The following LRP1B variants were observed in gnomAD, a reference collection of about 807,000 sequenced individuals.
LRP1B encodes LDL receptor related protein 1B.
A neutral mutation model predicts 556.6 loss-of-function variants in LRP1B; 217 were observed. The ratio of observed to expected loss-of-function variants is 0.39; its 90% CI spans 0.35 to 0.44. The LOEUF (loss-of-function observed/expected upper bound fraction) is 0.44, where lower values mean the gene tolerates loss of function less well. Ranked by LOEUF, LRP1B falls within the 20% of genes least tolerant of loss-of-function variation. The pLI, the probability that LRP1B is intolerant of heterozygous loss-of-function variation, is 1.00. For missense variants in LRP1B, 5,053 were observed against 5,620.8 expected, an observed-to-expected ratio of 0.90 and a Z score of 3.23; for synonymous variants, 2,047 against 1,865.8, an observed-to-expected ratio of 1.10 and a Z score of -2.50.
chr2:141,802,533 A>G (rs944909982), intron 2 of LRP1B, among the ~76,000 whole-genome samples: 1 of 152,072 alleles, frequency 6.6e-6, no homozygotes, highest in Non-Finnish European at 1.5e-5. Flanking sequence ...CAATTAATAA[A>G]CTGATGAGAT....
intron 3 of LRP1B, among the ~76,000 whole-genome samples, chr2:141,280,622 T>C (rs186659571): frequency 1.4e-4 from 22 of 152,112 alleles, no homozygotes; most frequent in Admixed American, 1.3e-3. Flanking sequence ...TTGGCTTGTT[T>C]AAAGTCCCAG....
At chr2:140,263,119 A>G (rs1443690819) in intron 86 of LRP1B, among the ~76,000 whole-genome samples, 4 of 151,842 alleles carry the variant, frequency 2.6e-5, no homozygotes, top group Non-Finnish European at 5.9e-5. Context: ...AACTTTTGCC[A>G]TTTTCCTCAG....
chr2:141,505,047 A>G (rs893243890), intron 2 of LRP1B, among the ~76,000 whole-genome samples: 3 of 151,970 alleles, frequency 2.0e-5, no homozygotes, highest in Non-Finnish European at 2.9e-5. Context: ...ACAATTTTGA[A>G]TAATACATTT....
At chr2:141,069,505 G>C (rs1699576488) in intron 7 of LRP1B, among the ~76,000 whole-genome samples, 1 of 152,150 alleles carries the variant, frequency 6.6e-6, no homozygotes, top group South Asian at 2.1e-4. Flanking sequence ...GGCCCTATCA[G>C]CAAGAGAAAG....
chr2:140,328,066 C>T (rs1478812173), intron 79 of LRP1B, among the ~76,000 whole-genome samples: 3 of 151,876 alleles, frequency 2.0e-5, no homozygotes, highest in Non-Finnish European at 4.4e-5. Flanking sequence ...GAAAAAAGTT[C>T]ATGTCTATCT....
At chr2:142,126,290 G>C (rs1365757046) in intron 1 of LRP1B, among the ~76,000 whole-genome samples, 1 of 150,394 alleles carries the variant, frequency 6.6e-6, no homozygotes, top group African/African-American at 2.4e-5. Flanking sequence ...CAGATAAATA[G>C]ACATGTTTAT....
At chr2:141,789,420 G>A (rs914040264) in intron 2 of LRP1B, among the ~76,000 whole-genome samples, 17 of 151,916 alleles carry the variant, frequency 1.1e-4, no homozygotes, top group African/African-American at 3.9e-4. Flanking sequence ...CACTTGTCAA[G>A]AAAAATAAGA....
chr2:141,007,782 C>T (rs1180847522), intron 14 of LRP1B, among the ~76,000 whole-genome samples: 2 of 151,618 alleles, frequency 1.3e-5, no homozygotes, highest in Non-Finnish European at 3.0e-5. Context: ...AAATATCATA[C>T]TCCTTAATTC....
chr2:141,843,138 CTTTT>C (rs758910345), intron 1 of LRP1B, among the ~76,000 whole-genome samples: 3 of 151,954 alleles, frequency 2.0e-5, no homozygotes, highest in Non-Finnish European at 4.4e-5. Context: ...TTCTTCTGTT[CTTTT>C]TTGTTTCTCT....
intron 82 of LRP1B, among the ~76,000 whole-genome samples, chr2:140,320,158 C>T (rs17386365): frequency 2.6e-5 from 4 of 152,088 alleles, no homozygotes; most frequent in Non-Finnish European, 4.4e-5. Context: ...TCTGACTGAT[C>T]CCCTATTTGA....
chr2:140,558,269 A>T (rs1174984777), intron 43 of LRP1B, among the ~76,000 whole-genome samples: 8 of 152,154 alleles, frequency 5.3e-5, no homozygotes, highest in African/African-American at 1.9e-4. Context: ...ACCCAAGTAA[A>T]ATGAAAATAT....
intron 3 of LRP1B, among the ~76,000 whole-genome samples, chr2:141,313,360 A>C (rs928155840): frequency 6.6e-6 from 1 of 152,176 alleles, no homozygotes; most frequent in Non-Finnish European, 1.5e-5. Context: ...TTTGTAAAAA[A>C]AGAAAAAAAA....
At position 141,692,748 on chromosome 2, in the gene LRP1B, C is replaced by T. The variant is rs575606061; in HGVS notation, c.205+117531G>A. ...TGGTGCAGCCTACTACACACCTAGGCTATATGGTGCAGCCTGATGCTCCTA... is the reference window on the plus strand; with the variant it reads ...TGGTGCAGCCTACTACACACCTAGGTTATATGGTGCAGCCTGATGCTCCTA... On this transcript the variant is annotated intron_variant, in intron 2 of 90. Coordinates refer to ENST00000389484, the MANE Select transcript of LRP1B (RefSeq NM_018557.3). Among the ~76,000 whole-genome samples the T allele has an allele frequency of 3.3e-5, 5 of 152,070 alleles. No homozygotes were observed. In the South Asian group the frequency reaches 8.3e-4, roughly 25 times the overall value.
chr2:140,536,972 G>C (rs528475371), intron 45 of LRP1B, among the ~76,000 whole-genome samples: 15 of 150,708 alleles, frequency 1.0e-4, no homozygotes, highest in Admixed American at 8.7e-4. Flanking sequence ...AGGAGATTGA[G>C]ACCATCCTAG....
At chr2:140,921,031 T>C (rs575841752) in intron 21 of LRP1B, among the ~76,000 whole-genome samples, 1 of 152,128 alleles carries the variant, frequency 6.6e-6, no homozygotes, top group Non-Finnish European at 1.5e-5. Flanking sequence ...AAAATATCAA[T>C]ACACATTTTA....
chr2:142,049,122 T>C (rs2105228364), intron 1 of LRP1B, among the ~76,000 whole-genome samples: 1 of 152,088 alleles, frequency 6.6e-6, no homozygotes, highest in Non-Finnish European at 1.5e-5. Flanking sequence ...AGTTGATTAC[T>C]AAAAAAAGGC....
chr2:141,003,637 C>T (rs888287539), intron 15 of LRP1B, among the ~76,000 whole-genome samples: 3 of 152,020 alleles, frequency 2.0e-5, no homozygotes, highest in Admixed American at 6.6e-5. Flanking sequence ...CTTGCTCCTC[C>T]CTGCCTTCCA....
rs2105258491 is a variant in LRP1B, at chr2:140,923,043, C to G, written c.3241G>C (p.Asp1081His). The change falls in exon 21 of 91, where the codon GAT becomes CAT. Residue 1081 changes from aspartate to histidine, a missense_variant. This residue lies in a region of LRP1B where 3,619 missense variants were observed against 3,931.9 expected (regional missense o/e 0.92). Transcript: ENST00000389484. Reference sequence around the variant, plus strand: ...TTGCAACCTTTTTCATCACTACCATCTTCACAGTCTTTTTCTCCATCACAG... The same window carrying G: ...TTGCAACCTTTTTCATCACTACCATGTTCACAGTCTTTTTCTCCATCACAG... Reference protein sequence around the residue: ...WRCDGEKDCEDGSDEKGCNGT... With the variant: ...WRCDGEKDCEHGSDEKGCNGT... 8 of 1,613,222 alleles carry G rather than the reference C, an allele frequency of 5.0e-6. No individual in the cohort carries two copies. The highest frequency in any genetic ancestry group is 6.8e-6 in the Non-Finnish European group (8 of 1,179,430).
At chr2:140,586,352 T>G (rs1310558608) in intron 43 of LRP1B, among the ~76,000 whole-genome samples, 3 of 152,126 alleles carry the variant, frequency 2.0e-5, no homozygotes, top group African/African-American at 7.2e-5. Flanking sequence ...AATAATAATC[T>G]GCTCTCTCTA....
Sources: allele counts gnomAD v4.1 joint callset (sites outside exome capture counted in the v4.1 genomes callset), GRCh38; gene constraint gnomAD v4.1.1; regional missense constraint gnomAD v4.1.1; transcripts MANE v1.5; gene names NCBI Gene and HGNC (gene_info 2026-07-23, HGNC 2026-07-21).